Variants in THADA observed in about 807,000 individuals in gnomAD.
The protein encoded by THADA is THADA armadillo repeat containing.
In THADA, 213 loss-of-function variants were observed where a neutral mutation model predicts 219.8. The ratio of observed to expected loss-of-function variants is 0.97; its 90% CI spans 0.87 to 1.09. The LOEUF (loss-of-function observed/expected upper bound fraction) is 1.09. Ranked by LOEUF, THADA falls within the 50% of genes least tolerant of loss-of-function variation. THADA has a pLI of 0.00. For synonymous variants in THADA, 1,018 were observed against 828.9 expected (o/e 1.23, Z -3.92); for missense variants, 2,956 against 2,311.3 (o/e 1.28, Z -5.72).
chr2:43,358,623 G>C (rs1051971915), intron 29 of THADA, among the ~76,000 whole-genome samples: 1 of 152,208 alleles, frequency 6.6e-6, no homozygotes, highest in African/African-American at 2.4e-5. Context: ...CTTGTAAAGA[G>C]AGACTGGCTT....
chr2:43,457,409 T>C (rs1331041011), intron 26 of THADA, among the ~76,000 whole-genome samples: 1 of 152,198 alleles, frequency 6.6e-6, no homozygotes, highest in Non-Finnish European at 1.5e-5. Flanking sequence ...TCATAATTAT[T>C]TGTAATTACA....
rs539986666 is a variant in THADA at position 43,587,136 on chromosome 2, A to C, written c.303-134T>G. 42 of 883,856 alleles carry C rather than the reference A, an allele frequency of 4.8e-5. No homozygotes were observed. In the South Asian group the frequency reaches 6.9e-4, roughly 15 times the overall value. The allele number at this position is 883,856 out of a possible 1,614,324, so 54.8% of individuals were successfully genotyped here. On this transcript the variant is annotated intron_variant, in intron 4 of 37. Transcript: ENST00000405975. ...TACAGCCAGAAAACTACAACTACAC[A>C]CTACCATCACTCGAATTTCCTGGCT... is the stretch of plus-strand genomic sequence containing the variant.
At chr2:43,276,457 G>C (rs973472418) in intron 36 of THADA, among the ~76,000 whole-genome samples, 2 of 152,190 alleles carry the variant, frequency 1.3e-5, no homozygotes, top group Non-Finnish European at 2.9e-5. Flanking sequence ...AGGCCTTCTA[G>C]AATCATTAAC....
At chr2:43,554,037 A>T (rs1283070916) in intron 17 of THADA, among the ~76,000 whole-genome samples, 3 of 152,144 alleles carry the variant, frequency 2.0e-5, no homozygotes, top group Non-Finnish European at 2.9e-5. Context: ...CAGACATAGG[A>T]TTTGCAAATA....
intron 26 of THADA, among the ~76,000 whole-genome samples, chr2:43,478,689 A>G (rs1491507): frequency 1 from 152,344 of 152,346 alleles, 76,171 homozygotes; most frequent in Middle Eastern, 1. Flanking sequence ...AGAAGGCAAT[A>G]GCCTGAAGCA....
intron 36 of THADA, among the ~76,000 whole-genome samples, chr2:43,274,946 T>A (rs561110611): frequency 1.3e-5 from 2 of 151,930 alleles, no homozygotes; most frequent in Admixed American, 6.6e-5. Context: ...TGCCTTCTCT[T>A]ATCCTGTATC....
Position 43,344,249 on chromosome 2 carries a change from AAG to A in THADA, c.4228-14_4228-13del, listed in dbSNP as rs1558613687. On this transcript the variant is annotated splice_polypyrimidine_tract_variant and intron_variant, in intron 29 of 37. Coordinates refer to ENST00000405975, the MANE Select transcript of THADA (RefSeq NM_022065.5). ...AACAAATGAAAAACCTAAACCAAAA[AAG>A]AAAAAAAAATCCTGCTGTGAAAATA... is the stretch of plus-strand genomic sequence containing the variant. The A allele has an allele frequency of 6.4e-7, 1 of 1,555,974 alleles. No individual in the cohort carries two copies. The highest frequency in any genetic ancestry group is 1.2e-5 in the South Asian group (1 of 84,958).
chr2:43,515,002 A>AT (rs1231311446), intron 22 of THADA, among the ~76,000 whole-genome samples: 2 of 32,678 alleles, frequency 6.1e-5, no homozygotes, highest in African/African-American at 1.0e-4. Context: ...AATATATAAT[A>AT]TTATATATAT....
At chr2:43,527,757 G>C in intron 22 of THADA, 122 bp downstream of exon 22, 1 of 630,734 alleles carries the variant, frequency 1.6e-6, no homozygotes. Context: ...TCTTCCAAGA[G>C]TTTTGTAGTC....
chr2:43,521,635 A>G (rs1692502527), intron 22 of THADA, among the ~76,000 whole-genome samples: 1 of 152,240 alleles, frequency 6.6e-6, no homozygotes, highest in Non-Finnish European at 1.5e-5. Flanking sequence ...AAGTAACAGA[A>G]GTGAACAGGC....
intron 36 of THADA, among the ~76,000 whole-genome samples, chr2:43,259,664 A>T (rs901387083): frequency 6.6e-6 from 1 of 152,212 alleles, no homozygotes; most frequent in African/African-American, 2.4e-5. Context: ...ATGTGGGTTC[A>T]TACTGATTTA....
chr2:43,437,681 T>A (rs929285113), intron 26 of THADA, among the ~76,000 whole-genome samples: 3 of 152,206 alleles, frequency 2.0e-5, no homozygotes, highest in African/African-American at 7.2e-5. Flanking sequence ...TGTGCCACTA[T>A]TGCAAAGTGA....
At chr2:43,294,177 C>G (rs148480756) in intron 31 of THADA, among the ~76,000 whole-genome samples, 1 of 152,068 alleles carries the variant, frequency 6.6e-6, no homozygotes, top group East Asian at 1.9e-4. Context: ...TTTCATTTGC[C>G]GAGATCTTTT....
intron 36 of THADA, chr2:43,277,245 C>G (rs1196204833): frequency 6.6e-6 from 1 of 152,566 alleles, no homozygotes; most frequent in Non-Finnish European, 1.5e-5. Flanking sequence ...GGAGATCGGG[C>G]CTTGGCACTG....
At chr2:43,546,525 C>G (rs542483760) in intron 20 of THADA, among the ~76,000 whole-genome samples, 18 of 152,206 alleles carry the variant, frequency 1.2e-4, no homozygotes, top group African/African-American at 4.1e-4. Context: ...GTAGGTCACT[C>G]AGGACTTGCT....
intron 26 of THADA, among the ~76,000 whole-genome samples, chr2:43,433,758 G>A (rs1275078417): frequency 6.6e-6 from 1 of 151,938 alleles, no homozygotes; most frequent in Non-Finnish European, 1.5e-5. Flanking sequence ...TGCAATTTCG[G>A]CTCACTGCAA....
intron 32 of THADA, 54 bp from the exon 33 acceptor site, chr2:43,292,276 T>C (rs1361964682): frequency 1.8e-6 from 2 of 1,129,496 alleles, no homozygotes; most frequent in Non-Finnish European, 2.5e-6. Context: ...CAGGGAGATG[T>C]CTCTAGATGT....
chr2:43,277,951 C>CTTTT (rs761803232), intron 36 of THADA, among the ~76,000 whole-genome samples: 67 of 134,436 alleles, frequency 5.0e-4, no homozygotes, highest in Admixed American at 1.8e-3. Context: ...CAATATTGTT[C>CTTTT]TTTTTTTTTT....
chr2:43,454,872 C>T (rs1281524574), intron 26 of THADA, among the ~76,000 whole-genome samples: 1 of 152,104 alleles, frequency 6.6e-6, no homozygotes, highest in Non-Finnish European at 1.5e-5. Flanking sequence ...GAAGGCAATG[C>T]TCCATTAACT....
Sources: allele counts gnomAD v4.1 joint callset (sites outside exome capture counted in the v4.1 genomes callset), GRCh38; gene constraint gnomAD v4.1.1; transcripts MANE v1.5; gene names NCBI Gene and HGNC (gene_info 2026-07-23, HGNC 2026-07-21).